MLLT10: variants seen among roughly 807,000 people sequenced by gnomAD.
The protein encoded by MLLT10 is protein AF-10.
MLLT10 carries 30 observed loss-of-function variants against 129.1 expected under a neutral mutation model. That is an observed-to-expected ratio of 0.23 (90% CI 0.17 to 0.32). The LOEUF (loss-of-function observed/expected upper bound fraction) is 0.32, where lower values mean the gene tolerates loss of function less well. MLLT10 is among the 10% of genes least tolerant of loss of function. The probability of loss-of-function intolerance (pLI) is 1.00; values close to 1 mark genes in which losing one functional copy is unlikely to be tolerated. For synonymous variants in MLLT10, 490 were observed against 446.4 expected (o/e 1.10, Z -1.23); for missense variants, 1,119 against 1,268.3 (o/e 0.88, Z 1.79).
intron 5 of MLLT10, among the ~76,000 whole-genome samples, chr10:21,597,996 G>A: frequency 6.6e-6 from 1 of 152,142 alleles, no homozygotes; most frequent in East Asian, 1.9e-4. Flanking sequence ...TGTGGGGGAA[G>A]TACTTCATAT....
chr10:21,668,466 A>G (rs1451216449), intron 9 of MLLT10, among the ~76,000 whole-genome samples: 1 of 152,152 alleles, frequency 6.6e-6, no homozygotes, highest in Non-Finnish European at 1.5e-5. Flanking sequence ...TGAACCCTGC[A>G]TTGCCTTAGT....
intron 9 of MLLT10, among the ~76,000 whole-genome samples, chr10:21,665,852 T>C (rs748996420): frequency 1.3e-5 from 2 of 152,054 alleles, no homozygotes; most frequent in African/African-American, 4.8e-5. Context: ...CTCAGTCTCC[T>C]GATTAGCTGA....
intron 3 of MLLT10, among the ~76,000 whole-genome samples, chr10:21,578,759 C>T (rs558422808): frequency 2.6e-5 from 4 of 152,192 alleles, no homozygotes; most frequent in African/African-American, 7.2e-5. Context: ...TTGTACAAGT[C>T]GTAAAGTATA....
intron 3 of MLLT10, among the ~76,000 whole-genome samples, chr10:21,574,074 A>G (rs1415851994): frequency 6.6e-6 from 1 of 152,172 alleles, no homozygotes; most frequent in Non-Finnish European, 1.5e-5. Context: ...AGATTGATTT[A>G]TAGTGTTTGA....
At chr10:21,701,895 T>TTTCTC (rs538238777) in intron 13 of MLLT10, among the ~76,000 whole-genome samples, 1,735 of 151,032 alleles carry the variant, frequency 0.011, 29 homozygotes, top group African/African-American at 0.035. Flanking sequence ...GGTTATGTTA[T>TTTCTC]TTCTCTTCTC....
intron 11 of MLLT10, among the ~76,000 whole-genome samples, 186 bp from the exon 12 acceptor site, chr10:21,681,146 A>G (rs543361889): frequency 2.0e-5 from 3 of 152,054 alleles, no homozygotes; most frequent in East Asian, 1.9e-4. Context: ...TGAGAATTCT[A>G]TTCTGTTTGG....
At position 21,742,973 on chromosome 10, in the gene MLLT10, G is replaced by C. The variant is rs41299226; in HGVS notation, c.*990G>C. On this transcript the variant is annotated 3_prime_UTR_variant, in exon 23 of 23. Coordinates refer to ENST00000307729, the MANE Select transcript of MLLT10 (RefSeq NM_001195626.3). ...CCACTAATGAGTCACAAGAAAAGGA[G>C]TGGATTTGGTAAGAATAGAGATTTG... 1.9e-3 allele frequency: 445 copies of C among 229,636 alleles called. No individual in the cohort carries two copies. The highest frequency in any genetic ancestry group is 4.1e-3 in the Admixed American group (72 of 17,652). 14.2% of individuals were successfully genotyped at this position (229,636 alleles called of 1,614,324 possible).
chr10:21,570,579 G>C (rs1463875510), intron 3 of MLLT10, among the ~76,000 whole-genome samples: 1 of 150,572 alleles, frequency 6.6e-6, no homozygotes, highest in African/African-American at 2.4e-5. Flanking sequence ...ACATTTTTTA[G>C]TGGTTTTTTT....
chr10:21,700,704 G>A (rs2054825570), intron 13 of MLLT10, among the ~76,000 whole-genome samples: 1 of 152,166 alleles, frequency 6.6e-6, no homozygotes, highest in South Asian at 2.1e-4. Flanking sequence ...ACTTGATCAT[G>A]GTGTATTACC....
At chr10:21,645,404 G>T (rs949175743) in intron 8 of MLLT10, among the ~76,000 whole-genome samples, 1 of 152,034 alleles carries the variant, frequency 6.6e-6, no homozygotes, top group Non-Finnish European at 1.5e-5. Flanking sequence ...CTTAAAATTT[G>T]TTTGCTTTAT....
intron 3 of MLLT10, among the ~76,000 whole-genome samples, chr10:21,553,091 CCT>C (rs2037349057): frequency 6.6e-6 from 1 of 152,048 alleles, no homozygotes; most frequent in African/African-American, 2.4e-5. Flanking sequence ...CCCCTACTCC[CCT>C]GTTTCTTTAT....
chr10:21,590,984 T>C (rs2042436051), intron 4 of MLLT10, among the ~76,000 whole-genome samples: 1 of 152,198 alleles, frequency 6.6e-6, no homozygotes, highest in Non-Finnish European at 1.5e-5. Flanking sequence ...CTAATGAAAA[T>C]GTATATGCTG....
At chr10:21,612,132 T>C (rs2131193528) in intron 5 of MLLT10, among the ~76,000 whole-genome samples, 1 of 152,330 alleles carries the variant, frequency 6.6e-6, no homozygotes, top group East Asian at 1.9e-4. Context: ...ATAATGCCTT[T>C]GTGAATTTTT....
Position 21,653,121 on chromosome 10 carries a change from C to T in MLLT10, c.795+1353C>T, listed in dbSNP as rs577478709. Among the ~76,000 whole-genome samples, 10 of 152,262 alleles carry T rather than the reference C, an allele frequency of 6.6e-5. 1 individual carries two copies. In the South Asian group the frequency reaches 2.1e-3, roughly 32 times the overall value. ...ATTACTACAGTATACCAGTTTAAAACAACATAAACTTACTAGTCGTTCTGT... is the reference window on the plus strand; with the variant it reads ...ATTACTACAGTATACCAGTTTAAAATAACATAAACTTACTAGTCGTTCTGT... On this transcript the variant is annotated intron_variant, in intron 9 of 22. Transcript: ENST00000307729.
At chr10:21,562,523 A>G (rs1017638280) in intron 3 of MLLT10, among the ~76,000 whole-genome samples, 3 of 151,562 alleles carry the variant, frequency 2.0e-5, no homozygotes, top group African/African-American at 7.3e-5. Flanking sequence ...TTTTTAGTAG[A>G]GACAGGGTTT....
At chr10:21,569,449 A>G (rs1303058984) in intron 3 of MLLT10, among the ~76,000 whole-genome samples, 1 of 149,530 alleles carries the variant, frequency 6.7e-6, no homozygotes, top group Non-Finnish European at 1.5e-5. Context: ...TTGTAATGGA[A>G]TCTCGCTCTC....
intron 3 of MLLT10, among the ~76,000 whole-genome samples, chr10:21,560,296 G>C (rs2038641691): frequency 1.3e-5 from 2 of 152,184 alleles, no homozygotes; most frequent in African/African-American, 4.8e-5. Context: ...ACCACGCCTG[G>C]CCTGTTTGGC....
chr10:21,639,509 A>G (rs1227627380), intron 8 of MLLT10, among the ~76,000 whole-genome samples: 2 of 152,200 alleles, frequency 1.3e-5, no homozygotes, highest in African/African-American at 2.4e-5. Context: ...GAAGGATATT[A>G]CGAAGTATAC....
chr10:21,719,863 T>TC (rs1376407004), intron 14 of MLLT10, among the ~76,000 whole-genome samples: 1 of 152,230 alleles, frequency 6.6e-6, no homozygotes, highest in Non-Finnish European at 1.5e-5. Context: ...CAGGAACACT[T>TC]CCTGTATTGG....
Sources: gnomAD v4.1 joint callset for allele counts (sites outside exome capture counted in the v4.1 genomes callset) on GRCh38, gnomAD v4.1.1 for gene constraint, MANE v1.5 for transcripts, NCBI Gene and HGNC (gene_info 2026-07-23, HGNC 2026-07-21) for gene names.